CNTN5: variants seen among roughly 807,000 people sequenced by gnomAD.
The protein encoded by CNTN5 is contactin 5.
In CNTN5, 77 loss-of-function variants were observed where a neutral mutation model predicts 129.1. That is an observed-to-expected ratio of 0.60 (90% CI 0.50 to 0.72). CNTN5 has a LOEUF of 0.72. Among genes scored for constraint, CNTN5 ranks in the 30% least tolerant of loss-of-function variants. The pLI, the probability that CNTN5 is intolerant of heterozygous loss-of-function variation, is 0.00. For synonymous variants in CNTN5, 509 were observed against 465.6 expected (o/e 1.09, Z -1.20); for missense variants, 1,478 against 1,328.8 (o/e 1.11, Z -1.75).
chr11:99,734,978 G>T (rs967401387), intron 3 of CNTN5, among the ~76,000 whole-genome samples: 1 of 151,718 alleles, frequency 6.6e-6, no homozygotes, highest in Non-Finnish European at 1.5e-5. Flanking sequence ...ACTGCAGTCC[G>T]CCCTGGGGGA....
At chr11:99,382,844 AC>A (rs1940661705) in intron 2 of CNTN5, among the ~76,000 whole-genome samples, 3 of 69,420 alleles carry the variant, frequency 4.3e-5, no homozygotes, top group Non-Finnish European at 7.1e-5. Flanking sequence ...TCTCTAAATA[AC>A]TTTTTTTTTT....
At chr11:99,889,065 T>C (rs1948976721) in intron 6 of CNTN5, among the ~76,000 whole-genome samples, 1 of 152,142 alleles carries the variant, frequency 6.6e-6, no homozygotes, top group African/African-American at 2.4e-5. Flanking sequence ...CTGACATCCG[T>C]AGAATTTTAC....
intron 1 of CNTN5, among the ~76,000 whole-genome samples, chr11:99,031,839 A>G (rs1863394536): frequency 6.6e-6 from 1 of 151,458 alleles, no homozygotes; most frequent in East Asian, 2.0e-4. Context: ...ATATGTATAC[A>G]TGTGCCATGC....
chr11:100,184,590 T>C (rs1044667664), intron 13 of CNTN5, among the ~76,000 whole-genome samples: 3 of 152,100 alleles, frequency 2.0e-5, no homozygotes, highest in Non-Finnish European at 4.4e-5. Flanking sequence ...AGCAGCTTCC[T>C]CTCCTGAGCG....
At chr11:100,297,431 T>C (rs1165300547) in intron 18 of CNTN5, among the ~76,000 whole-genome samples, 194 bp from the exon 19 acceptor site, 1 of 151,446 alleles carries the variant, frequency 6.6e-6, no homozygotes, top group African/African-American at 2.4e-5. Flanking sequence ...GTGCAATAAG[T>C]GGTCATGAAA....
intron 8 of CNTN5, among the ~76,000 whole-genome samples, chr11:99,993,943 T>G (rs550877202): frequency 6.6e-6 from 1 of 152,318 alleles, no homozygotes; most frequent in South Asian, 2.1e-4. Context: ...TAGCCCAAAT[T>G]AGGTAAAATA....
At chr11:99,090,561 T>A (rs574487447) in intron 1 of CNTN5, among the ~76,000 whole-genome samples, 1 of 151,950 alleles carries the variant, frequency 6.6e-6, no homozygotes, top group South Asian at 2.1e-4. Flanking sequence ...AATCCACAAA[T>A]CCCTTATACC....
chr11:100,269,432 C>T lies in CNTN5; in HGVS notation c.2165-1660C>T, dbSNP rs186608164. ...GGAAGGAGAGGAAATGTTAAGAGAC[C>T]TTAGTTTTGTTTTTCAGAGAAAAAC... On this transcript the variant is annotated intron_variant, in intron 17 of 24. Coordinates refer to ENST00000524871, the MANE Select transcript of CNTN5 (RefSeq NM_014361.4). 7.9e-5 allele frequency among the ~76,000 whole-genome samples: 12 copies of T among 152,194 alleles called. No homozygotes were observed. The East Asian group carries it at 2.3e-3, about 29-fold the overall frequency.
rs182818759 is a variant in CNTN5 at position 99,384,128 on chromosome 11, C to T, written c.-71+58644C>T. Among the ~76,000 whole-genome samples, 6 of 152,180 alleles carry T rather than the reference C, an allele frequency of 3.9e-5. No individual in the cohort carries two copies. In the East Asian group the frequency reaches 1.2e-3, roughly 29 times the overall value. On this transcript the variant is annotated intron_variant, in intron 2 of 24. Transcript: ENST00000524871. ...CTGTTCCATCAAGGGAAAATGATCC[C>T]TCCTCCTTTCAAAAAGCTTTTTACA...
chr11:99,799,597 C>T (rs146305278), intron 3 of CNTN5, among the ~76,000 whole-genome samples: 6 of 151,160 alleles, frequency 4.0e-5, no homozygotes, highest in South Asian at 2.2e-4. Context: ...ATGAAGTCTA[C>T]TTGATCATGA....
intron 1 of CNTN5, among the ~76,000 whole-genome samples, chr11:99,083,797 A>T (rs1197063267): frequency 6.6e-6 from 1 of 152,126 alleles, no homozygotes; most frequent in Non-Finnish European, 1.5e-5. Context: ...CCACCCCATA[A>T]GTCACTCATC....
chr11:99,834,325 T>C (rs1947236229), intron 4 of CNTN5, among the ~76,000 whole-genome samples: 1 of 152,150 alleles, frequency 6.6e-6, no homozygotes, highest in South Asian at 2.1e-4. Flanking sequence ...ATGTTGTCTA[T>C]TATAATTCTG....
intron 20 of CNTN5, among the ~76,000 whole-genome samples, chr11:100,304,591 A>T (rs1565416121): frequency 6.6e-6 from 1 of 151,546 alleles, no homozygotes. Context: ...AATAGCCCAA[A>T]TGGGGAGCCC....
chr11:99,395,000 A>G (rs12221864), intron 2 of CNTN5, among the ~76,000 whole-genome samples: 35,540 of 151,790 alleles, frequency 0.23, 4,857 homozygotes, highest in Middle Eastern at 0.34. Flanking sequence ...TGCAGTGAAT[A>G]TGCACATGTG....
intron 3 of CNTN5, among the ~76,000 whole-genome samples, chr11:99,718,755 T>A (rs943784491): frequency 6.6e-6 from 1 of 152,100 alleles, no homozygotes; most frequent in Non-Finnish European, 1.5e-5. Flanking sequence ...CCAAACACTT[T>A]GCTAAGTGTC....
chr11:99,798,331 T>C (rs944890946), intron 3 of CNTN5, among the ~76,000 whole-genome samples: 9 of 152,190 alleles, frequency 5.9e-5, no homozygotes, highest in African/African-American at 1.7e-4. Flanking sequence ...TTTAAGGACA[T>C]AGTGATAAAT....
chr11:99,880,167 A>G (rs762514141), intron 6 of CNTN5, among the ~76,000 whole-genome samples: 7 of 152,208 alleles, frequency 4.6e-5, no homozygotes, highest in Non-Finnish European at 1.0e-4. Flanking sequence ...ATGATCAATG[A>G]GGCAATTGAA....
chr11:99,968,836 G>A (rs1018053539), intron 8 of CNTN5, among the ~76,000 whole-genome samples: 4 of 151,270 alleles, frequency 2.6e-5, no homozygotes, highest in African/African-American at 9.7e-5. Context: ...ACTCCTATTG[G>A]GATACATTTA....
At chr11:99,058,708 T>C (rs1864737978) in intron 1 of CNTN5, among the ~76,000 whole-genome samples, 1 of 151,694 alleles carries the variant, frequency 6.6e-6, no homozygotes, top group Admixed American at 6.6e-5. Flanking sequence ...TTGGCCAGGT[T>C]CCTTTTTCTG....
Sources: gnomAD v4.1 joint callset for allele counts (sites outside exome capture counted in the v4.1 genomes callset) on GRCh38, gnomAD v4.1.1 for gene constraint, MANE v1.5 for transcripts, NCBI Gene and HGNC (gene_info 2026-07-23, HGNC 2026-07-21) for gene names.